The following RINT1 variants were observed in gnomAD, a reference collection of about 807,000 sequenced individuals.
The protein encoded by RINT1 is RAD50 interactor 1.
Under a neutral mutation model 97.7 loss-of-function variants are expected in RINT1, and 75 were observed. The observed-to-expected ratio is 0.77, with a 90% CI of 0.64 to 0.93. The LOEUF is 0.93. Among genes scored for constraint, RINT1 ranks in the 40% least tolerant of loss-of-function variants. The probability of loss-of-function intolerance (pLI) is 0.00; values close to 1 mark genes in which losing one functional copy is unlikely to be tolerated. For synonymous variants in RINT1, 303 were observed against 326.3 expected, an observed-to-expected ratio of 0.93 and a Z score of 0.77; for missense variants, 892 against 925.2, an observed-to-expected ratio of 0.96 and a Z score of 0.47.
intron 3 of RINT1, among the ~76,000 whole-genome samples, chr7:105,538,213 G>T (rs1281951240): frequency 6.6e-6 from 1 of 152,028 alleles, no homozygotes; most frequent in Non-Finnish European, 1.5e-5. Context: ...AGATGGTTTC[G>T]ATTCCTTGAC....
At chr7:105,566,030 G>T (rs1284545820) in intron 14 of RINT1, among the ~76,000 whole-genome samples, 1 of 152,148 alleles carries the variant, frequency 6.6e-6, no homozygotes, top group African/African-American at 2.4e-5. Flanking sequence ...AACACTTCGG[G>T]AGGCTGAGTT....
intron 9 of RINT1, 58 bp from the exon 10 acceptor site, chr7:105,551,510 TGA>T (rs776024776): frequency 7.7e-5 from 109 of 1,413,958 alleles, no homozygotes; most frequent in Admixed American, 4.0e-4. Flanking sequence ...AATTACAAGT[TGA>T]ATAATTAGGA....
In RINT1 at chr7:105,547,099, A is replaced by G. The variant is rs776349424; in HGVS notation, c.689+16A>G. 3.1e-6 allele frequency: 5 copies of G among 1,613,186 alleles called. No individual in the cohort carries two copies. The South Asian group carries it at 3.3e-5, about 11-fold the overall frequency. ...AGCTTACAAGGTAGGGAATTTACCC[A>G]TATTTTGTGGTAATTGCTTTCCGAT... is the stretch of plus-strand genomic sequence containing the variant. On this transcript the variant is annotated intron_variant, in intron 5 of 14. Coordinates refer to ENST00000257700, the MANE Select transcript of RINT1 (RefSeq NM_021930.6).
rs747595808 is a variant in RINT1 at position 105,567,293 on chromosome 7, G to A, written c.2361G>A (p.Trp787Ter). The change falls in exon 15 of 15, where the codon TGG becomes TGA. Residue 787 changes from tryptophan to a stop codon, truncating the protein, a stop_gained. Coordinates refer to ENST00000257700, the MANE Select transcript of RINT1 (RefSeq NM_021930.6). LOFTEE classifies it high-confidence loss of function. Reference sequence around the variant, plus strand: ...TTCTACTTAATTTGAGGACAAATTGGCCTAATACTGGAAAATAATGTCTTT... The same window carrying A: ...TTCTACTTAATTTGAGGACAAATTGACCTAATACTGGAAAATAATGTCTTT... ...VEILLNLRTN[W>*]PNTGK The A allele has an allele frequency of 3.6e-5, 57 of 1,596,112 alleles. 1 individual carries two copies. The highest frequency in any genetic ancestry group is 3.3e-4 in the Middle Eastern group (2 of 6,002).
At position 105,547,276 on chromosome 7, in the gene RINT1, C is replaced by T. The variant is rs199535472; in HGVS notation, c.782C>T (p.Pro261Leu). 783 of 1,614,022 alleles carry T rather than the reference C, an allele frequency of 4.9e-4. 1 individual carries two copies. Among genetic ancestry groups the T allele is most frequent in the Non-Finnish European group, 6.0e-4 (704 of 1,180,022 alleles). The change falls in exon 6 of 15, where the codon CCG becomes CTG. Residue 261 changes from proline to leucine, a missense_variant. Coordinates refer to ENST00000257700, the MANE Select transcript of RINT1 (RefSeq NM_021930.6). Reference protein sequence around the residue: ...TVGLSRPASAPEIYSYLETLF... With the variant: ...TVGLSRPASALEIYSYLETLF... Reference sequence around the variant, plus strand: ...GGCTTAAGTCGACCTGCCAGTGCCCCGGAGATATACAGTTACCTGGAGACA... The same window carrying T: ...GGCTTAAGTCGACCTGCCAGTGCCCTGGAGATATACAGTTACCTGGAGACA...
At position 105,559,114 on chromosome 7, in the gene RINT1, G is replaced by T. The variant is rs186788156; in HGVS notation, c.1671+3887G>T. Among the ~76,000 whole-genome samples the T allele has an allele frequency of 2.0e-4, 30 of 152,180 alleles. No homozygotes were observed. In the East Asian group the frequency reaches 5.6e-3, roughly 29 times the overall value. ...GCATGGTTATGATGGTGCAAATCTGGCCGGGTGTGGTGGCTCACGCCTGTA... is the reference window on the plus strand; with the variant it reads ...GCATGGTTATGATGGTGCAAATCTGTCCGGGTGTGGTGGCTCACGCCTGTA... On this transcript the variant is annotated intron_variant, in intron 11 of 14. Coordinates refer to ENST00000257700, the MANE Select transcript of RINT1 (RefSeq NM_021930.6).
chr7:105,551,445 C>A, intron 9 of RINT1, 125 bp from the exon 10 acceptor site: 1 of 748,314 alleles, frequency 1.3e-6, no homozygotes, highest in South Asian at 2.3e-5. Context: ...TTAGTACAAC[C>A]AGTGGGATAT....
intron 2 of RINT1, among the ~76,000 whole-genome samples, chr7:105,534,212 G>A (rs1790139776): frequency 6.6e-6 from 1 of 152,060 alleles, no homozygotes; most frequent in Non-Finnish European, 1.5e-5. Context: ...TGGGATTACT[G>A]GTGCCCGCCA....
chr7:105,542,059 G>C (rs1479142646), intron 3 of RINT1, among the ~76,000 whole-genome samples: 2 of 151,950 alleles, frequency 1.3e-5, no homozygotes, highest in African/African-American at 2.4e-5. Flanking sequence ...TGAAGGTTTT[G>C]ATGGATGATT....
chr7:105,554,760 T>A (rs1791100843), intron 10 of RINT1, among the ~76,000 whole-genome samples: 1 of 152,222 alleles, frequency 6.6e-6, no homozygotes, highest in African/African-American at 2.4e-5. Context: ...TTTTTATGTA[T>A]AATTTTTTCA....
intron 3 of RINT1, among the ~76,000 whole-genome samples, chr7:105,540,560 C>A (rs1468811874): frequency 6.6e-6 from 1 of 152,060 alleles, no homozygotes; most frequent in Non-Finnish European, 1.5e-5. Flanking sequence ...CTGTGCCCGG[C>A]TGAATTTTTG....
At position 105,565,586 on chromosome 7, in the gene RINT1, G is replaced by T. The variant is rs1247579426; in HGVS notation, c.2124G>T (p.Met708Ile). Residue 708 changes from methionine to isoleucine, a missense_variant, in exon 14 of 15, where the codon ATG becomes ATT. Coordinates refer to ENST00000257700, the MANE Select transcript of RINT1 (RefSeq NM_021930.6). Reference protein sequence around the residue: ...EGGAAQLQFDMTRNLFPLFSH... With the variant: ...EGGAAQLQFDITRNLFPLFSH... ...GAGCAGCCCAGCTGCAGTTTGATAT[G>T]ACTCGGAATCTTTTCCCTTTGTTTT... 1.2e-6 allele frequency: 2 copies of T among 1,613,950 alleles called. No individual in the cohort carries two copies. The highest frequency in any genetic ancestry group is 3.3e-5 in the Admixed American group (2 of 59,970).
intron 3 of RINT1, among the ~76,000 whole-genome samples, chr7:105,537,286 C>G (rs1028093415): frequency 7.0e-6 from 1 of 141,948 alleles, no homozygotes; most frequent in South Asian, 2.3e-4. Flanking sequence ...ATGTGTCACC[C>G]TGCCCAGCTA....
intron 4 of RINT1, among the ~76,000 whole-genome samples, chr7:105,543,673 T>A (rs1207742637): frequency 6.6e-6 from 1 of 152,224 alleles, no homozygotes; most frequent in Non-Finnish European, 1.5e-5. Flanking sequence ...ATGTCCTGTT[T>A]CAAATGTATC....
At position 105,556,097 on chromosome 7, in the gene RINT1, G is replaced by A. The variant is rs565233578; in HGVS notation, c.1671+870G>A. 1.7e-4 allele frequency among the ~76,000 whole-genome samples: 25 copies of A among 147,854 alleles called. 1 individual carries two copies. The South Asian group carries it at 4.2e-3, about 25-fold the overall frequency. On this transcript the variant is annotated intron_variant, in intron 11 of 14. Transcript: ENST00000257700. ...TTTTTTTTTTTTGTGACAGAGTTTCGCTCTTGTTGCCCGGGCTGGAGTGCA... is the reference window on the plus strand; with the variant it reads ...TTTTTTTTTTTTGTGACAGAGTTTCACTCTTGTTGCCCGGGCTGGAGTGCA...
chr7:105,555,314 G>A, intron 11 of RINT1, 87 bp downstream of exon 11: 1 of 1,106,956 alleles, frequency 9.0e-7, no homozygotes, highest in Non-Finnish European at 1.3e-6. Context: ...TCTATTGCAA[G>A]CAAAAATAAA....
chr7:105,567,147 T>C lies in RINT1; in HGVS notation c.2215T>C (p.Leu739=). The C allele has an allele frequency of 6.3e-7, 1 of 1,581,584 alleles. No homozygotes were observed. Among genetic ancestry groups the C allele is most frequent in the Non-Finnish European group, 8.6e-7 (1 of 1,168,684 alleles). Residue 739 remains leucine, a synonymous_variant, in exon 15 of 15, where the codon TTG becomes CTG. Transcript: ENST00000257700. ...HIKEACIVLN[L]NVGSALLLKD... is the part of the protein sequence containing the mutation. ...AAAAGAAGCCTGTATTGTTTTGAATTTGAACGTCGGTTCTGCACTACTGCT... is the reference window on the plus strand; with the variant it reads ...AAAAGAAGCCTGTATTGTTTTGAATCTGAACGTCGGTTCTGCACTACTGCT...
At chr7:105,554,639 C>CAT (rs1791095765) in intron 10 of RINT1, among the ~76,000 whole-genome samples, 1 of 151,888 alleles carries the variant, frequency 6.6e-6, no homozygotes. Context: ...GAGGTGTCAC[C>CAT]ATGTTGGCCA....
chr7:105,558,305 A>AAAT (rs1791277170), intron 11 of RINT1, among the ~76,000 whole-genome samples: 1 of 151,676 alleles, frequency 6.6e-6, no homozygotes, highest in Admixed American at 6.6e-5. Context: ...AAAAAAAAAA[A>AAAT]AAAATAAAGT....
Sources: allele counts gnomAD v4.1 joint callset (sites outside exome capture counted in the v4.1 genomes callset), GRCh38; gene constraint gnomAD v4.1.1; transcripts MANE v1.5; gene names NCBI Gene and HGNC (gene_info 2026-07-23, HGNC 2026-07-21).